METTL15: variants seen among roughly 807,000 people sequenced by gnomAD.
METTL15 encodes the protein methyltransferase 15, mitochondrial 12S rRNA N4-cytidine.
METTL15 carries 34 observed loss-of-function variants against 38.3 expected under a neutral mutation model. That is an observed-to-expected ratio of 0.89 (90% CI 0.68 to 1.18). The LOEUF is 1.18. METTL15 is among the 50% of genes most tolerant of loss of function. METTL15 has a pLI of 0.00. For missense variants in METTL15, 438 were observed against 498.4 expected (o/e 0.88, Z 1.15); for synonymous variants, 162 against 170.9 (o/e 0.95, Z 0.41).
intron 3 of METTL15, among the ~76,000 whole-genome samples, chr11:28,196,203 T>C (rs561314104): frequency 6.6e-6 from 1 of 152,218 alleles, no homozygotes; most frequent in Non-Finnish European, 1.5e-5. Flanking sequence ...TGGTTCCATA[T>C]GAATTTTAGG....
At chr11:28,267,120 A>G (rs1256080579) in intron 4 of METTL15, among the ~76,000 whole-genome samples, 1 of 146,122 alleles carries the variant, frequency 6.8e-6, no homozygotes, top group African/African-American at 2.5e-5. Flanking sequence ...AGATCGCATC[A>G]TTGCACTCCA....
At chr11:28,208,620 T>G (rs1852476175) in intron 3 of METTL15, among the ~76,000 whole-genome samples, 2 of 152,184 alleles carry the variant, frequency 1.3e-5, no homozygotes, top group Admixed American at 6.6e-5. Context: ...TAGATGTCTA[T>G]TAGGTCCGCT....
rs1856458114 is a variant in METTL15, at chr11:28,290,273, C to T, written c.475C>T (p.Gln159Ter). 1.2e-6 allele frequency: 2 copies of T among 1,613,362 alleles called. No individual in the cohort carries two copies. The highest frequency in any genetic ancestry group is 2.2e-5 in the East Asian group (1 of 44,854). The change falls in exon 5 of 7, where the codon CAG (glutamine) becomes TAG (stop). Residue 159 changes from glutamine (Q) to a stop codon, truncating the protein, a stop_gained. Coordinates refer to ENST00000407364, the MANE Select transcript of METTL15 (RefSeq NM_001113528.2). LOFTEE classifies it high-confidence loss of function. ...AEALLMKAGVQPGTFDGVLMD... is the reference protein window; with the variant it reads ...AEALLMKAGV The stretch of plus-strand genomic sequence containing the variant: ...AGCCTTATTAATGAAAGCTGGAGTG[C>T]AGCCAGGAACTTTTGATGGAGTTCT...
chr11:28,182,212 T>G (rs932974624), intron 3 of METTL15, among the ~76,000 whole-genome samples: 43 of 152,276 alleles, frequency 2.8e-4, no homozygotes, highest in African/African-American at 9.9e-4. Context: ...GTAGGCTGCC[T>G]GTTCACTCTG....
chr11:28,474,402 A>T (rs1851327987), intron 6 of METTL15, among the ~76,000 whole-genome samples: 1 of 152,136 alleles, frequency 6.6e-6, no homozygotes, highest in Admixed American at 6.5e-5. Context: ...TTGTTGAAAA[A>T]TATGAGCAAG....
chr11:28,288,539 A>G (rs1181603637), intron 4 of METTL15, among the ~76,000 whole-genome samples: 1 of 152,174 alleles, frequency 6.6e-6, no homozygotes, highest in Non-Finnish European at 1.5e-5. Flanking sequence ...GTAGGCCATT[A>G]TCCTTAGCAA....
At chr11:28,505,648 T>C (rs958803514) in intron 6 of METTL15, among the ~76,000 whole-genome samples, 9 of 152,354 alleles carry the variant, frequency 5.9e-5, no homozygotes, top group African/African-American at 2.2e-4. Flanking sequence ...AATAGAATAA[T>C]AAACTTGATG....
At chr11:28,180,502 T>C (rs1034675693) in intron 3 of METTL15, among the ~76,000 whole-genome samples, 1 of 151,814 alleles carries the variant, frequency 6.6e-6, no homozygotes, top group East Asian at 1.9e-4. Flanking sequence ...ATGAGAACTA[T>C]TTTTAAATAA....
chr11:28,483,964 A>C (rs774497442), intron 6 of METTL15, among the ~76,000 whole-genome samples: 1 of 152,196 alleles, frequency 6.6e-6, no homozygotes, highest in Non-Finnish European at 1.5e-5. Context: ...ATTTAAAAAT[A>C]GAGAGTGAGA....
chr11:28,135,388 T>A (rs1044558954), intron 3 of METTL15, among the ~76,000 whole-genome samples: 1 of 152,186 alleles, frequency 6.6e-6, no homozygotes, highest in African/African-American at 2.4e-5. Context: ...TACCCTCAAA[T>A]ACCTATGAGT....
At chr11:28,125,981 T>G (rs1852465303) in intron 3 of METTL15, 2 of 152,116 alleles carry the variant, frequency 1.3e-5, no homozygotes, top group African/African-American at 4.8e-5. Flanking sequence ...TGGGTGCCTT[T>G]ATTTCTTTTC....
chr11:28,388,622 ATACATAC>A (rs1418277716), intron 5 of METTL15, among the ~76,000 whole-genome samples: 1 of 152,160 alleles, frequency 6.6e-6, no homozygotes, highest in Non-Finnish European at 1.5e-5. Context: ...TAAAATGTCC[ATACATAC>A]TTAAGTATTC....
At chr11:28,480,354 A>G (rs981722163) in intron 6 of METTL15, among the ~76,000 whole-genome samples, 1 of 152,240 alleles carries the variant, frequency 6.6e-6, no homozygotes, top group African/African-American at 2.4e-5. Flanking sequence ...TTAGTGTACC[A>G]TTATATAGTA....
intron 6 of METTL15, among the ~76,000 whole-genome samples, chr11:28,489,915 A>G (rs991803324): frequency 6.6e-6 from 1 of 151,330 alleles, no homozygotes; most frequent in African/African-American, 2.4e-5. Flanking sequence ...AAAGAAAAGT[A>G]AACTTCTCTT....
At chr11:28,525,022 G>A (rs1004566384) in intron 6 of METTL15, among the ~76,000 whole-genome samples, 1 of 151,744 alleles carries the variant, frequency 6.6e-6, no homozygotes, top group African/African-American at 2.4e-5. Flanking sequence ...CAGTTCTTAA[G>A]GCAGCGCGTC....
intron 4 of METTL15, among the ~76,000 whole-genome samples, chr11:28,218,399 C>T (rs981667879): frequency 2.0e-5 from 3 of 152,094 alleles, no homozygotes; most frequent in African/African-American, 7.2e-5. Context: ...GATTTTTGTA[C>T]ATTGATTTTG....
intron 5 of METTL15, among the ~76,000 whole-genome samples, chr11:28,378,760 A>C (rs1301002717): frequency 1.4e-5 from 1 of 72,862 alleles, no homozygotes; most frequent in Non-Finnish European, 3.3e-5. Flanking sequence ...CCTCCTCTTC[A>C]GTTTTTTTTT....
chr11:28,211,500 A>G (rs537606986), intron 4 of METTL15, among the ~76,000 whole-genome samples: 1 of 152,242 alleles, frequency 6.6e-6, no homozygotes, highest in Admixed American at 6.5e-5. Context: ...CTCATAGTCA[A>G]AAAATAATTT....
In METTL15 at chr11:28,281,593, T is replaced by C. The variant is rs192383289; in HGVS notation, c.408-8613T>C. ...TTGCTCTCTGGAAGAGTTGGTCTGA[T>C]CAAGTTAAACTGCTGTAAACAGAAA... On this transcript the variant is annotated intron_variant, in intron 4 of 6. Transcript: ENST00000407364. 2.0e-5 allele frequency among the ~76,000 whole-genome samples: 3 copies of C among 152,344 alleles called. No individual in the cohort carries two copies. The East Asian group carries it at 5.8e-4, about 29-fold the overall frequency.
Sources: gnomAD v4.1 joint callset for allele counts (sites outside exome capture counted in the v4.1 genomes callset) on GRCh38, gnomAD v4.1.1 for gene constraint, MANE v1.5 for transcripts, NCBI Gene and HGNC (gene_info 2026-07-23, HGNC 2026-07-21) for gene names.